The following ZNF804B variants were observed in gnomAD, a reference collection of about 807,000 sequenced individuals.
The protein encoded by ZNF804B is zinc finger protein 804B.
In ZNF804B, 80 loss-of-function variants were observed where a neutral mutation model predicts 101.4. The observed-to-expected ratio is 0.79, with a 90% confidence interval of 0.66 to 0.95. The LOEUF (loss-of-function observed/expected upper bound fraction) is 0.95, where lower values mean the gene tolerates loss of function less well. ZNF804B is among the 40% of genes least tolerant of loss of function. ZNF804B has a pLI of 0.00. For synonymous variants in ZNF804B, 622 were observed against 558.8 expected (o/e 1.11, Z -1.59); for missense variants, 1,673 against 1,561.9 (o/e 1.07, Z -1.20).
intron 1 of ZNF804B, among the ~76,000 whole-genome samples, chr7:89,183,192 A>T (rs146473836): frequency 3.3e-5 from 5 of 152,226 alleles, no homozygotes; most frequent in African/African-American, 1.2e-4. Flanking sequence ...GAGAAAAAAA[A>T]TGGGTATTAA....
At chr7:89,092,888 C>A (rs1789916756) in intron 1 of ZNF804B, among the ~76,000 whole-genome samples, 1 of 152,102 alleles carries the variant, frequency 6.6e-6, no homozygotes, top group African/African-American at 2.4e-5. Flanking sequence ...TATTAGAAAC[C>A]AAGATCTGGG....
chr7:88,929,888 G>T (rs1458781804), intron 1 of ZNF804B, among the ~76,000 whole-genome samples: 1 of 151,750 alleles, frequency 6.6e-6, no homozygotes, highest in Non-Finnish European at 1.5e-5. Context: ...ATATATTTAT[G>T]TCTTTACAAC....
intron 1 of ZNF804B, among the ~76,000 whole-genome samples, chr7:89,109,114 C>A (rs1322255677): frequency 6.6e-6 from 1 of 151,958 alleles, no homozygotes; most frequent in Non-Finnish European, 1.5e-5. Flanking sequence ...ATCTAATAGA[C>A]CTAGAATAAA....
In ZNF804B at chr7:89,240,303, G is replaced by A. The variant is rs193169404; in HGVS notation, c.249+22008G>A. Among the ~76,000 whole-genome samples the A allele has an allele frequency of 3.3e-5, 5 of 152,146 alleles. 1 individual carries two copies. The East Asian group carries it at 9.7e-4, about 29-fold the overall frequency. ...AGCTTCCTCAAACTCTTGTGGGTTA[G>A]GTCTGATACTGCAATAGAAAGGCTA... On this transcript the variant is annotated intron_variant, in intron 2 of 3. Transcript: ENST00000333190.
chr7:89,304,555 A>G (rs1012842801), intron 2 of ZNF804B, among the ~76,000 whole-genome samples: 1 of 151,214 alleles, frequency 6.6e-6, no homozygotes, highest in Non-Finnish European at 1.5e-5. Context: ...GTGTGTGTCT[A>G]TCTGTGTAGA....
intron 1 of ZNF804B, among the ~76,000 whole-genome samples, chr7:89,199,523 A>G (rs1279786764): frequency 6.6e-6 from 1 of 151,970 alleles, no homozygotes; most frequent in Non-Finnish European, 1.5e-5. Flanking sequence ...AATTGTTTCT[A>G]TAATCAATAT....
intron 1 of ZNF804B, among the ~76,000 whole-genome samples, chr7:88,874,696 G>T (rs1285769965): frequency 1.3e-5 from 2 of 152,018 alleles, no homozygotes; most frequent in Non-Finnish European, 2.9e-5. Context: ...GTTGAATTTT[G>T]TCAAAGGCCT....
intron 1 of ZNF804B, among the ~76,000 whole-genome samples, chr7:88,984,157 G>A (rs1301648469): frequency 6.6e-6 from 1 of 152,054 alleles, no homozygotes; most frequent in African/African-American, 2.4e-5. Flanking sequence ...CTTCACTCTA[G>A]CACAGAGATA....
chr7:89,267,343 A>T (rs774171073), intron 2 of ZNF804B, among the ~76,000 whole-genome samples: 7 of 152,130 alleles, frequency 4.6e-5, no homozygotes, highest in Non-Finnish European at 1.0e-4. Flanking sequence ...AGCCTATGTT[A>T]TCAGGATTCT....
At chr7:88,800,688 T>C (rs796843655) in intron 1 of ZNF804B, among the ~76,000 whole-genome samples, 3 of 120,152 alleles carry the variant, frequency 2.5e-5, no homozygotes, top group Admixed American at 9.1e-5. Context: ...AAAATAGATA[T>C]GATTTGTGTG....
intron 1 of ZNF804B, among the ~76,000 whole-genome samples, chr7:89,055,311 G>A (rs1321625879): frequency 1.3e-5 from 2 of 152,040 alleles, no homozygotes; most frequent in East Asian, 3.9e-4. Flanking sequence ...GAAGGTCCAG[G>A]TTTTCTAAAC....
intron 2 of ZNF804B, among the ~76,000 whole-genome samples, chr7:89,274,448 A>C (rs2115847922): frequency 6.7e-6 from 1 of 148,634 alleles, no homozygotes; most frequent in South Asian, 2.1e-4. Context: ...ACTGAGAATG[A>C]TGATTTCCAA....
chr7:88,963,541 A>C (rs546582425), intron 1 of ZNF804B, among the ~76,000 whole-genome samples: 1 of 151,526 alleles, frequency 6.6e-6, no homozygotes, highest in South Asian at 2.1e-4. Context: ...CGAATGAAAA[A>C]TCTAAACATA....
At chr7:89,279,735 G>C (rs1394379255) in intron 2 of ZNF804B, among the ~76,000 whole-genome samples, 1 of 151,996 alleles carries the variant, frequency 6.6e-6, no homozygotes, top group African/African-American at 2.4e-5. Flanking sequence ...TTTTTGATGT[G>C]CTGCTGGATT....
At chr7:88,973,885 CT>C (rs948703591) in intron 1 of ZNF804B, among the ~76,000 whole-genome samples, 1 of 151,340 alleles carries the variant, frequency 6.6e-6, no homozygotes, top group African/African-American at 2.4e-5. Context: ...ATTGACACAA[CT>C]TTTTTTAAAT....
Position 89,295,575 on chromosome 7 carries a change from C to G in ZNF804B, c.250-31769C>G, listed in dbSNP as rs146776296. Among the ~76,000 whole-genome samples, 61 of 152,104 alleles carry G rather than the reference C, an allele frequency of 4.0e-4. 1 individual carries two copies. The East Asian group carries it at 0.01, about 25-fold the overall frequency. ...GGTACTCTTTTGTGTTTGTTTTTCACAGTTATCAATAATTTATATTTTATA... is the reference window on the plus strand; with the variant it reads ...GGTACTCTTTTGTGTTTGTTTTTCAGAGTTATCAATAATTTATATTTTATA... On this transcript the variant is annotated intron_variant, in intron 2 of 3. Coordinates refer to ENST00000333190, the MANE Select transcript of ZNF804B (RefSeq NM_181646.5).
intron 2 of ZNF804B, among the ~76,000 whole-genome samples, chr7:89,326,109 G>A (rs573889942): frequency 4.0e-5 from 6 of 151,898 alleles, no homozygotes; most frequent in East Asian, 3.9e-4. Flanking sequence ...ATAACATATA[G>A]AGCATAATTA....
rs555042184 is a variant in ZNF804B at position 89,154,904 on chromosome 7, G to T, written c.109-63251G>T. On this transcript the variant is annotated intron_variant, in intron 1 of 3. Transcript: ENST00000333190. ...TAAAAAATCCTGTAATTGTGTTACA[G>T]GATTTTTTGTAACACAAAGGATAAA... 1.7e-4 allele frequency among the ~76,000 whole-genome samples: 26 copies of T among 151,984 alleles called. 1 individual carries two copies. The South Asian group carries it at 5.2e-3, about 30-fold the overall frequency.
At chr7:88,772,398 T>A (rs1286106676) in intron 1 of ZNF804B, among the ~76,000 whole-genome samples, 1 of 152,180 alleles carries the variant, frequency 6.6e-6, no homozygotes, top group African/African-American at 2.4e-5. Context: ...TCAGGATGCA[T>A]TCCACCCCTG....
Sources: allele counts gnomAD v4.1 joint callset (sites outside exome capture counted in the v4.1 genomes callset), GRCh38; gene constraint gnomAD v4.1.1; transcripts MANE v1.5; gene names NCBI Gene and HGNC (gene_info 2026-07-23, HGNC 2026-07-21).